Variants in GYS2 observed in about 807,000 individuals in gnomAD.
GYS2 encodes the protein glycogen [starch] synthase, liver.
A neutral mutation model predicts 85.6 loss-of-function variants in GYS2; 80 were observed. That is an observed-to-expected ratio of 0.93 (90% CI 0.78 to 1.13). GYS2 has a LOEUF of 1.13. Among genes scored for constraint, GYS2 ranks in the 50% most tolerant of loss-of-function variants. The probability of loss-of-function intolerance (pLI) is 0.00; values close to 1 mark genes in which losing one functional copy is unlikely to be tolerated. For synonymous variants in GYS2, 328 were observed against 300.7 expected (o/e 1.09, Z -0.94); for missense variants, 881 against 854.9 (o/e 1.03, Z -0.38).
At chr12:21,575,798 G>A in intron 3 of GYS2, 68 bp downstream of exon 3, 1 of 1,178,916 alleles carries the variant, frequency 8.5e-7, no homozygotes, top group South Asian at 1.2e-5. Context: ...AAAGATCATG[G>A]GATCATTCTT....
chr12:21,563,793 ACAC>A (rs1944285227), intron 5 of GYS2, among the ~76,000 whole-genome samples: 1 of 152,144 alleles, frequency 6.6e-6, no homozygotes, highest in South Asian at 2.1e-4. Flanking sequence ...CCGTCCAAGA[ACAC>A]ACAGCTGGTA....
At chr12:21,568,071 CA>C (rs111543876) in intron 5 of GYS2, among the ~76,000 whole-genome samples, 121 of 139,194 alleles carry the variant, frequency 8.7e-4, no homozygotes, top group Non-Finnish European at 7.2e-4. Flanking sequence ...GACTCCATCT[CA>C]AAAAAAAAAA....
At chr12:21,559,356 A>G (rs575675458) in intron 9 of GYS2, among the ~76,000 whole-genome samples, 187 bp from the exon 10 acceptor site, 93 of 152,280 alleles carry the variant, frequency 6.1e-4, no homozygotes, top group African/African-American at 2.2e-3. Flanking sequence ...GTCAATATAT[A>G]TTTTGAATTA....
Position 21,559,134 on chromosome 12 carries a change from C to T in GYS2, c.1265G>A (p.Arg422Gln). The T allele has an allele frequency of 9.9e-6, 16 of 1,609,052 alleles. No individual in the cohort carries two copies. Among genetic ancestry groups the T allele is most frequent in the South Asian group, 2.2e-5 (2 of 90,740 alleles). The stretch of plus-strand genomic sequence containing the variant: ...TCTTTTCATAATTGTTAGATCATCT[C>T]GATCTAAAATATCGTTCAGGTCAGG... The part of the protein sequence containing the change: ...EIPDLNDILD[R>Q]DDLTIMKRAI... Residue 422 changes from arginine (R) to glutamine (Q), a missense_variant, in exon 10 of 16, where the codon CGA becomes CAA. Coordinates refer to ENST00000261195, the MANE Select transcript of GYS2 (RefSeq NM_021957.4).
chr12:21,548,561 A>T (rs1944069322), intron 11 of GYS2, among the ~76,000 whole-genome samples: 1 of 152,152 alleles, frequency 6.6e-6, no homozygotes, highest in Non-Finnish European at 1.5e-5. Context: ...AATTTTAGCA[A>T]TAGCTGTATT....
intron 12 of GYS2, 146 bp from the exon 13 acceptor site, chr12:21,542,737 A>T: frequency 1.4e-6 from 1 of 692,180 alleles, no homozygotes; most frequent in Non-Finnish European, 2.7e-6. Flanking sequence ...TACATGTCTC[A>T]CTAACTTATT....
chr12:21,545,599 T>A (rs186448887), intron 12 of GYS2, among the ~76,000 whole-genome samples: 288 of 152,336 alleles, frequency 1.9e-3, no homozygotes, highest in Admixed American at 5.3e-3. Flanking sequence ...TCAGTACAAG[T>A]ACAAATTGGT....
At chr12:21,558,042 A>G (rs1243883848) in intron 11 of GYS2, among the ~76,000 whole-genome samples, 158 bp downstream of exon 11, 2 of 152,246 alleles carry the variant, frequency 1.3e-5, no homozygotes, top group East Asian at 3.9e-4. Flanking sequence ...AATATTCATT[A>G]TACTTTAGTT....
chr12:21,558,709 C>T (rs1944213792), intron 10 of GYS2, among the ~76,000 whole-genome samples: 1 of 152,220 alleles, frequency 6.6e-6, no homozygotes, highest in South Asian at 2.1e-4. Flanking sequence ...AAGCCTGACA[C>T]ATTTGTTTTA....
At chr12:21,581,621 TCTC>T (rs1479841579) in intron 1 of GYS2, among the ~76,000 whole-genome samples, 1 of 152,166 alleles carries the variant, frequency 6.6e-6, no homozygotes, top group African/African-American at 2.4e-5. Flanking sequence ...TCCTTAATTC[TCTC>T]CTCTAATATT....
At chr12:21,595,743 T>C (rs1428722958) in intron 1 of GYS2, among the ~76,000 whole-genome samples, 4 of 152,080 alleles carry the variant, frequency 2.6e-5, no homozygotes, top group Non-Finnish European at 5.9e-5. Flanking sequence ...CAGGAAAATA[T>C]CACAATCTTA....
intron 2 of GYS2, among the ~76,000 whole-genome samples, chr12:21,579,482 T>A (rs1944484175): frequency 6.6e-6 from 1 of 151,614 alleles, no homozygotes; most frequent in African/African-American, 2.4e-5. Context: ...GCCTCCTGAG[T>A]AGCTGGGACT....
At chr12:21,558,365 T>A in intron 10 of GYS2, 52 bp from the exon 11 acceptor site, 1 of 1,151,916 alleles carries the variant, frequency 8.7e-7, no homozygotes, top group Non-Finnish European at 1.3e-6. Context: ...TTAATAAGGG[T>A]GACTAATTTC....
At chr12:21,580,786 T>A (rs893299056) in intron 1 of GYS2, among the ~76,000 whole-genome samples, 2 of 152,126 alleles carry the variant, frequency 1.3e-5, no homozygotes, top group African/African-American at 4.8e-5. Flanking sequence ...CGCAAAGAGG[T>A]CAAATACCTC....
At chr12:21,595,376 T>G (rs996540032) in intron 1 of GYS2, among the ~76,000 whole-genome samples, 1 of 152,148 alleles carries the variant, frequency 6.6e-6, no homozygotes, top group Non-Finnish European at 1.5e-5. Context: ...GAGATCCTCC[T>G]CTCCTAAACA....
At chr12:21,551,013 A>AAATT (rs1555154968) in intron 11 of GYS2, among the ~76,000 whole-genome samples, 30 of 151,566 alleles carry the variant, frequency 2.0e-4, no homozygotes, top group East Asian at 1.6e-3. Context: ...TTTTTTTTTA[A>AAATT]TTTTTTTTTA....
intron 2 of GYS2, among the ~76,000 whole-genome samples, chr12:21,579,352 T>C (rs75757876): frequency 2.8e-4 from 3 of 10,854 alleles, no homozygotes; most frequent in Non-Finnish European, 6.9e-4. Context: ...ACTTCTTCTT[T>C]TTTTTTTTTT....
At chr12:21,551,524 A>C (rs1301515625) in intron 11 of GYS2, among the ~76,000 whole-genome samples, 1 of 151,554 alleles carries the variant, frequency 6.6e-6, no homozygotes, top group Non-Finnish European at 1.5e-5. Flanking sequence ...AAAGTAAAAA[A>C]AAAAGTCTGA....
chr12:21,557,032 G>T (rs1944188419), intron 11 of GYS2, among the ~76,000 whole-genome samples: 1 of 152,170 alleles, frequency 6.6e-6, no homozygotes, highest in Non-Finnish European at 1.5e-5. Flanking sequence ...TAGAATAGTT[G>T]TAAGAACCTG....
Sources: allele counts gnomAD v4.1 joint callset (sites outside exome capture counted in the v4.1 genomes callset), GRCh38; gene constraint gnomAD v4.1.1; transcripts MANE v1.5; gene names NCBI Gene and HGNC (gene_info 2026-07-23, HGNC 2026-07-21).